RNGTT: variants seen among roughly 807,000 people sequenced by gnomAD.
The protein encoded by RNGTT is RNA guanylyltransferase and 5'-phosphatase.
RNGTT carries 33 observed loss-of-function variants against 79.3 expected under a neutral mutation model. That is an observed-to-expected ratio of 0.42 (90% confidence interval 0.32 to 0.56). RNGTT has a LOEUF of 0.56. RNGTT is among the 20% of genes least tolerant of loss of function. The pLI is 0.17. For synonymous variants in RNGTT, 222 were observed against 235.9 expected, an observed-to-expected ratio of 0.94 and a Z score of 0.54; for missense variants, 497 against 739.1, an observed-to-expected ratio of 0.67 and a Z score of 3.80.
At chr6:88,824,043 A>G (rs1393379883) in intron 11 of RNGTT, among the ~76,000 whole-genome samples, 16 of 152,234 alleles carry the variant, frequency 1.1e-4, no homozygotes, top group Non-Finnish European at 1.5e-5. Context: ...GATAAGTTTT[A>G]TTTTGCTTTA....
chr6:88,718,839 A>C (rs1776611371), intron 13 of RNGTT, among the ~76,000 whole-genome samples: 1 of 152,212 alleles, frequency 6.6e-6, no homozygotes, highest in Non-Finnish European at 1.5e-5. Context: ...AAAACCTTTA[A>C]AAATTAGTGG....
intron 13 of RNGTT, among the ~76,000 whole-genome samples, chr6:88,756,074 A>G (rs1412588464): frequency 6.6e-6 from 1 of 152,132 alleles, no homozygotes; most frequent in Non-Finnish European, 1.5e-5. Context: ...AGGAAAGGTA[A>G]CCAATAATAT....
Position 88,890,519 on chromosome 6 carries a change from A to G in RNGTT, c.872T>C (p.Val291Ala). Reference protein sequence around the residue: ...IKLLDLKPYKVSWKADGTRYM... With the variant: ...IKLLDLKPYKASWKADGTRYM... Reference sequence around the variant, plus strand: ...CCGAGTACCATCTGCTTTCCAGCTTACTTTGTATGGCTTCAGGTCTAAAAG... The same window carrying G: ...CCGAGTACCATCTGCTTTCCAGCTTGCTTTGTATGGCTTCAGGTCTAAAAG... The change falls in exon 8 of 16, where the codon GTA becomes GCA. Residue 291 changes from valine to alanine, a missense_variant. Transcript: ENST00000369485. The G allele has an allele frequency of 6.2e-7, 1 of 1,613,108 alleles. No individual in the cohort carries two copies. Among genetic ancestry groups the G allele is most frequent in the Admixed American group, 1.7e-5 (1 of 59,958 alleles).
intron 14 of RNGTT, among the ~76,000 whole-genome samples, chr6:88,661,886 C>G (rs945453560): frequency 6.6e-6 from 1 of 152,188 alleles, no homozygotes; most frequent in Non-Finnish European, 1.5e-5. Flanking sequence ...AGACCAATAT[C>G]TCTGATGAAC....
At chr6:88,862,984 C>T (rs1382108361) in intron 8 of RNGTT, among the ~76,000 whole-genome samples, 4 of 152,150 alleles carry the variant, frequency 2.6e-5, no homozygotes, top group Admixed American at 6.6e-5. Context: ...TTCTTTCACA[C>T]TCGTACCACA....
intron 13 of RNGTT, among the ~76,000 whole-genome samples, chr6:88,725,470 G>A (rs1448035564): frequency 6.6e-6 from 1 of 152,244 alleles, no homozygotes. Context: ...GGGCGGTAAA[G>A]CATTCCTTAG....
chr6:88,810,892 A>G (rs906337868), intron 11 of RNGTT, among the ~76,000 whole-genome samples: 1 of 152,354 alleles, frequency 6.6e-6, no homozygotes, highest in East Asian at 1.9e-4. Context: ...CTAGAAACCA[A>G]GCCAGCATTA....
At chr6:88,740,841 A>T (rs560225223) in intron 13 of RNGTT, among the ~76,000 whole-genome samples, 48 of 152,304 alleles carry the variant, frequency 3.2e-4, no homozygotes, top group African/African-American at 1.1e-3. Flanking sequence ...ACATATACCT[A>T]TGTAACAAAC....
At chr6:88,694,168 C>T (rs984250600) in intron 13 of RNGTT, among the ~76,000 whole-genome samples, 1 of 152,078 alleles carries the variant, frequency 6.6e-6, no homozygotes, top group Non-Finnish European at 1.5e-5. Flanking sequence ...ATTGTCGATA[C>T]TTGCTGATCT....
At chr6:88,890,471 A>G (rs753182364) in intron 8 of RNGTT, 24 bp downstream of exon 8, 1 of 1,452,162 alleles carries the variant, frequency 6.9e-7, no homozygotes. Flanking sequence ...TTATTTGTGT[A>G]ATTTTTTTAG....
intron 10 of RNGTT, among the ~76,000 whole-genome samples, chr6:88,848,402 G>GA (rs915260495): frequency 6.6e-6 from 1 of 151,336 alleles, no homozygotes; most frequent in East Asian, 1.9e-4. Flanking sequence ...GTGCGCACAA[G>GA]AAAAAAACAT....
intron 13 of RNGTT, among the ~76,000 whole-genome samples, chr6:88,766,375 A>G (rs77098798): frequency 6.6e-6 from 1 of 152,170 alleles, no homozygotes; most frequent in Admixed American, 6.5e-5. Context: ...CTAGCTTTTG[A>G]CAATGACCAT....
At chr6:88,958,116 A>G (rs530947933) in intron 1 of RNGTT, among the ~76,000 whole-genome samples, 123 of 152,364 alleles carry the variant, frequency 8.1e-4, no homozygotes, top group African/African-American at 2.8e-3. Flanking sequence ...AAACAAAAGC[A>G]TAAAGTGGGG....
At chr6:88,836,601 G>A (rs189941974) in intron 11 of RNGTT, among the ~76,000 whole-genome samples, 41 of 152,158 alleles carry the variant, frequency 2.7e-4, no homozygotes, top group African/African-American at 9.9e-4. Flanking sequence ...AATTAGCCGG[G>A]CATGATAACA....
intron 1 of RNGTT, among the ~76,000 whole-genome samples, chr6:88,942,416 G>A (rs1337990196): frequency 6.6e-6 from 1 of 151,892 alleles, no homozygotes; most frequent in East Asian, 1.9e-4. Flanking sequence ...CTGTTGCCCA[G>A]GCTGGAGTGC....
chr6:88,737,402 A>G (rs1455706581), intron 13 of RNGTT, among the ~76,000 whole-genome samples: 1 of 152,178 alleles, frequency 6.6e-6, no homozygotes, highest in Non-Finnish European at 1.5e-5. Context: ...TTTAGGGTTG[A>G]TGCTGGAATG....
chr6:88,688,469 AT>A (rs1258443481), intron 13 of RNGTT, among the ~76,000 whole-genome samples: 2 of 152,208 alleles, frequency 1.3e-5, no homozygotes, highest in Non-Finnish European at 2.9e-5. Flanking sequence ...CTAGGATTAG[AT>A]TTTTATTTCT....
rs570279572 is a variant in RNGTT at position 88,748,637 on chromosome 6, G to GT, written c.1439+21136dup. On this transcript the variant is annotated intron_variant, in intron 13 of 15. Coordinates refer to ENST00000369485, the MANE Select transcript of RNGTT (RefSeq NM_003800.5). Reference sequence around the variant, plus strand: ...ATTGTCTGTCTCTCTTAAATAAAATGTAAGTTCCATGAATCAGGGATCTGA... The same window carrying GT: ...ATTGTCTGTCTCTCTTAAATAAAATGTTAAGTTCCATGAATCAGGGATCTGA... Among the ~76,000 whole-genome samples, 167 of 152,142 alleles carry GT rather than the reference G, an allele frequency of 1.1e-3. 2 individuals are homozygous for GT. In the Middle Eastern group the frequency reaches 0.024, roughly 22 times the overall value.
chr6:88,646,986 C>G (rs1056307127), intron 14 of RNGTT, among the ~76,000 whole-genome samples: 1 of 151,898 alleles, frequency 6.6e-6, no homozygotes, highest in Non-Finnish European at 1.5e-5. Flanking sequence ...CAAACCTGCA[C>G]GTTGTGCACA....
Sources: allele counts gnomAD v4.1 joint callset (sites outside exome capture counted in the v4.1 genomes callset), GRCh38; gene constraint gnomAD v4.1.1; transcripts MANE v1.5; gene names NCBI Gene and HGNC (gene_info 2026-07-23, HGNC 2026-07-21).